Variants in AR observed in about 807,000 individuals in gnomAD.
AR encodes androgen receptor.
A neutral mutation model predicts 53.9 loss-of-function variants in AR; 8 were observed. That is an observed-to-expected ratio of 0.15 (90% CI 0.09 to 0.27). The LOEUF (loss-of-function observed/expected upper bound fraction) is 0.27. Among genes scored for constraint, AR ranks in the 10% least tolerant of loss-of-function variants. The pLI is 1.00. For synonymous variants in AR, 359 were observed against 316.4 expected, an observed-to-expected ratio of 1.13 and a Z score of -1.43; for missense variants, 639 against 742.5, an observed-to-expected ratio of 0.86 and a Z score of 1.62.
intron 2 of AR, among the ~76,000 whole-genome samples, chrX:67,674,832 T>C (rs925412589): frequency 1.8e-5 from 2 of 111,248 alleles, no homozygotes; most frequent in African/African-American, 6.5e-5. Flanking sequence ...CAAGACAAAG[T>C]CCTCTTTACT....
At chrX:67,664,469 C>T (rs1390210052) in intron 2 of AR, among the ~76,000 whole-genome samples, 1 of 111,777 alleles carries the variant, frequency 8.9e-6, no homozygotes, top group Non-Finnish European at 1.9e-5. Flanking sequence ...TTGATCATTC[C>T]TCTGGAAGTT....
chrX:67,608,266 C>G (rs1044783298), intron 1 of AR, among the ~76,000 whole-genome samples: 2 of 111,943 alleles, frequency 1.8e-5, no homozygotes, highest in African/African-American at 6.5e-5. Context: ...GCAGTTCCCA[C>G]CTTACCCTCT....
intron 1 of AR, among the ~76,000 whole-genome samples, chrX:67,564,109 A>G (rs748669775): frequency 9.0e-6 from 1 of 111,465 alleles, no homozygotes; most frequent in African/African-American, 3.3e-5. Context: ...TTGGGAACCT[A>G]ATGTTAACAA....
rs769445750 is a variant in AR at position 67,545,904 on chromosome X, C to G, written c.758C>G (p.Ala253Gly). 26 of 1,210,424 alleles carry G rather than the reference C, an allele frequency of 2.1e-5. No homozygotes were observed. The highest frequency in any genetic ancestry group is 2.9e-5 in the Non-Finnish European group (26 of 895,224). The change falls in exon 1 of 8, where the codon GCG (alanine) becomes GGG (glycine). Residue 253 changes from alanine to glycine, a missense_variant. Physicochemically the swap from Ala to Gly is moderately conservative, Grantham distance 60 (BLOSUM62 0). Coordinates refer to ENST00000374690, the MANE Select transcript of AR (RefSeq NM_000044.6). ...VSVSMGLGVE[A>G]LEHLSPGEQL... ...GTGTCCATGGGCCTGGGTGTGGAGG[C>G]GTTGGAGCATCTGAGTCCAGGGGAA... is the stretch of plus-strand genomic sequence containing the variant.
At chrX:67,671,946 C>T (rs960649868) in intron 2 of AR, among the ~76,000 whole-genome samples, 2 of 111,183 alleles carry the variant, frequency 1.8e-5, no homozygotes, top group Non-Finnish European at 3.8e-5. Flanking sequence ...TGCTCTGTTC[C>T]ACGTGTCTAT....
intron 3 of AR, among the ~76,000 whole-genome samples, chrX:67,701,674 TCACACA>T (rs3070104): frequency 0.083 from 8,071 of 97,333 alleles, 247 homozygotes; most frequent in African/African-American, 0.11. Context: ...TACTAACCAT[TCACACA>T]CACACACACA....
chrX:67,705,630 C>G (rs1295913652), intron 3 of AR, among the ~76,000 whole-genome samples: 4 of 111,261 alleles, frequency 3.6e-5, no homozygotes, highest in Non-Finnish European at 7.5e-5. Flanking sequence ...AATTGAATAC[C>G]CTTTATTTCT....
intron 2 of AR, among the ~76,000 whole-genome samples, chrX:67,667,027 G>C (rs1927303676): frequency 3.6e-5 from 4 of 110,622 alleles, no homozygotes. Context: ...TCTTCACTTT[G>C]TTGATCGAAT....
chrX:67,589,220 G>A (rs879046282), intron 1 of AR, among the ~76,000 whole-genome samples: 3 of 105,354 alleles, frequency 2.8e-5, no homozygotes, highest in Admixed American at 2.0e-4. Flanking sequence ...CCGAGATTGC[G>A]CCACTGCAGT....
intron 2 of AR, among the ~76,000 whole-genome samples, chrX:67,658,460 A>G (rs752863345): frequency 1.8e-5 from 2 of 112,069 alleles, no homozygotes; most frequent in Non-Finnish European, 3.8e-5. Context: ...ATTTTATTTT[A>G]TTCTTTATAG....
At position 67,544,993 on chromosome X, in the gene AR, G is replaced by T. The variant is rs779126980; in HGVS notation, c.-154G>T. 8.1e-5 allele frequency: 69 copies of T among 853,373 alleles called. 1 individual carries two copies. The African/African-American group carries it at 1.3e-3, about 16-fold the overall frequency. The allele number at this position is 853,373 out of a possible 1,213,427, so 70.3% of individuals were successfully genotyped here. On this transcript the variant is annotated 5_prime_UTR_variant, in exon 1 of 8. Transcript: ENST00000374690. ...GAGGCTGTCAGAGCGCTTTTTGCGTGGTTGCTCCCGCAAGTTTCCTTCTCT... is the reference window on the plus strand; with the variant it reads ...GAGGCTGTCAGAGCGCTTTTTGCGTTGTTGCTCCCGCAAGTTTCCTTCTCT...
At chrX:67,679,371 C>A (rs527477354) in intron 2 of AR, among the ~76,000 whole-genome samples, 2 of 111,514 alleles carry the variant, frequency 1.8e-5, no homozygotes, top group Non-Finnish European at 3.8e-5. Context: ...CAAAACATTC[C>A]TTTGCAAGAA....
At chrX:67,612,662 G>C (rs1275986925) in intron 1 of AR, among the ~76,000 whole-genome samples, 1 of 112,303 alleles carries the variant, frequency 8.9e-6, no homozygotes, top group Non-Finnish European at 1.9e-5. Context: ...CCTCTACTCA[G>C]TGAAACAACC....
At chrX:67,620,881 G>T (rs1047698294) in intron 1 of AR, among the ~76,000 whole-genome samples, 1 of 111,651 alleles carries the variant, frequency 9.0e-6, no homozygotes, top group Non-Finnish European at 1.9e-5. Flanking sequence ...CTGGCACATA[G>T]AAGGGCACTC....
intron 4 of AR, among the ~76,000 whole-genome samples, chrX:67,717,109 T>G (rs1353637524): frequency 8.9e-6 from 1 of 112,027 alleles, no homozygotes; most frequent in African/African-American, 3.2e-5. Context: ...TACATACAAC[T>G]ATCATGTACC....
intron 2 of AR, among the ~76,000 whole-genome samples, chrX:67,673,700 T>C (rs1049107028): frequency 2.7e-5 from 3 of 110,819 alleles, no homozygotes; most frequent in Non-Finnish European, 3.8e-5. Flanking sequence ...CTTAGTGTTA[T>C]CTTTAATTTC....
Position 67,707,323 on chromosome X carries a change from C to T in AR, c.1886-4079C>T, listed in dbSNP as rs143667843. On this transcript the variant is annotated intron_variant, in intron 3 of 7. Transcript: ENST00000374690. ...TAATCACTTTATGAATCTGGTTGTT[C>T]CTGTATTGGTGCATATATATTTAGG... is the stretch of plus-strand genomic sequence containing the variant. Among the ~76,000 whole-genome samples the T allele has an allele frequency of 7.1e-3, 797 of 111,753 alleles. 5 individuals are homozygous for T. The highest frequency in any genetic ancestry group is 0.011 in the Non-Finnish European group (592 of 53,108).
intron 1 of AR, among the ~76,000 whole-genome samples, chrX:67,596,329 G>GA (rs1204696587): frequency 9.1e-6 from 1 of 110,048 alleles, no homozygotes; most frequent in African/African-American, 3.3e-5. Flanking sequence ...GTATCAGGGA[G>GA]AGGGTCTTCT....
At chrX:67,650,858 C>G (rs1194624276) in intron 2 of AR, among the ~76,000 whole-genome samples, 1 of 111,750 alleles carries the variant, frequency 8.9e-6, no homozygotes, top group Non-Finnish European at 1.9e-5. Flanking sequence ...CACTATTCCT[C>G]CTATCTAGAC....
Sources: gnomAD v4.1 joint callset for allele counts (sites outside exome capture counted in the v4.1 genomes callset) on GRCh38, gnomAD v4.1.1 for gene constraint, MANE v1.5 for transcripts, NCBI Gene and HGNC (gene_info 2026-07-23, HGNC 2026-07-21) for gene names.